Variants in PPM1L observed in about 807,000 individuals in gnomAD.
The protein encoded by PPM1L is protein phosphatase 1L.
Under a neutral mutation model 31.4 loss-of-function variants are expected in PPM1L, and 13 were observed. The ratio of observed to expected loss-of-function variants is 0.41; its 90% CI spans 0.27 to 0.66. The LOEUF is 0.66. PPM1L is among the 30% of genes least tolerant of loss of function. PPM1L has a pLI of 0.29. For synonymous variants in PPM1L, 184 were observed against 175.4 expected (o/e 1.05, Z -0.39); for missense variants, 326 against 453.7 (o/e 0.72, Z 2.56).
At chr3:161,030,112 C>A (rs1256180853) in intron 2 of PPM1L, among the ~76,000 whole-genome samples, 1 of 152,188 alleles carries the variant, frequency 6.6e-6, no homozygotes, top group Non-Finnish European at 1.5e-5. Flanking sequence ...TTTACAGTTT[C>A]CAAATCAGCA....
chr3:161,013,706 T>G (rs1263843547), intron 2 of PPM1L, among the ~76,000 whole-genome samples: 1 of 152,198 alleles, frequency 6.6e-6, no homozygotes, highest in Non-Finnish European at 1.5e-5. Flanking sequence ...ATCTGGGTGC[T>G]CCTGTATTGA....
At chr3:161,058,856 C>A (rs1229957599) in intron 2 of PPM1L, among the ~76,000 whole-genome samples, 1 of 151,962 alleles carries the variant, frequency 6.6e-6, no homozygotes, top group Admixed American at 6.6e-5. Context: ...TCTGAGATAC[C>A]CCAAGTTACA....
chr3:160,842,229 G>C (rs1435109975), intron 1 of PPM1L: 1 of 702,004 alleles, frequency 1.4e-6, no homozygotes, highest in African/African-American at 1.7e-5. Flanking sequence ...GTGGAAGAGG[G>C]TAGGAGGGAT....
intron 2 of PPM1L, among the ~76,000 whole-genome samples, chr3:160,967,552 G>A (rs1054519776): frequency 2.2e-5 from 3 of 135,092 alleles, no homozygotes; most frequent in Middle Eastern, 3.9e-3. Context: ...TTCCATTCAC[G>A]AGGGGTTCAC....
chr3:160,783,600 C>CA lies in PPM1L; in HGVS notation c.399+26907dup, dbSNP rs59293706. The stretch of plus-strand genomic sequence containing the variant: ...GGGCAACAAGAGCGAAACTCCATCT[C>CA]AAAAAAAAAAAAAAGAAAAAGAAAG... On this transcript the variant is annotated intron_variant, in intron 1 of 3. Transcript: ENST00000498165. 2.3e-3 allele frequency among the ~76,000 whole-genome samples: 259 copies of CA among 110,722 alleles called. 1 individual carries two copies. Among genetic ancestry groups the CA allele is most frequent in the East Asian group, 5.4e-3 (23 of 4,230 alleles). The allele number at this position is 110,722 out of a possible 152,430, so 72.6% of individuals were successfully genotyped here. A position where few individuals can be genotyped will look rare whatever the true frequency, so the allele number is the denominator to read the frequency against.
chr3:161,063,737 C>T (rs1445499427), intron 2 of PPM1L, among the ~76,000 whole-genome samples: 1 of 152,170 alleles, frequency 6.6e-6, no homozygotes, highest in African/African-American at 2.4e-5. Flanking sequence ...TATTGCAGCA[C>T]TATTCACAAT....
At chr3:160,907,395 A>T (rs1194561813) in intron 1 of PPM1L, among the ~76,000 whole-genome samples, 2 of 152,220 alleles carry the variant, frequency 1.3e-5, no homozygotes, top group Non-Finnish European at 2.9e-5. Flanking sequence ...AAAACAAATC[A>T]CATCCAAAAC....
intron 1 of PPM1L, among the ~76,000 whole-genome samples, chr3:160,937,625 A>G (rs1481968610): frequency 2.6e-5 from 4 of 152,106 alleles, no homozygotes; most frequent in Admixed American, 2.0e-4. Context: ...GTCTCAAAAA[A>G]AAACAAAAAA....
At chr3:160,878,757 C>T (rs181553088) in intron 1 of PPM1L, among the ~76,000 whole-genome samples, 2 of 152,242 alleles carry the variant, frequency 1.3e-5, no homozygotes, top group East Asian at 1.9e-4. Context: ...ATGTGTAGCC[C>T]CTTTTTAAAA....
intron 1 of PPM1L, among the ~76,000 whole-genome samples, chr3:160,857,894 C>A (rs1711766681): frequency 6.6e-6 from 1 of 152,168 alleles, no homozygotes; most frequent in Non-Finnish European, 1.5e-5. Flanking sequence ...ATATTGCTTA[C>A]TTAATCTTTT....
At chr3:160,996,974 G>C (rs1421817701) in intron 2 of PPM1L, among the ~76,000 whole-genome samples, 1 of 152,136 alleles carries the variant, frequency 6.6e-6, no homozygotes. Flanking sequence ...TGGTGGGCAG[G>C]CTAGGAGGGA....
At chr3:160,954,895 TCTTC>T (rs1195362398) in intron 1 of PPM1L, among the ~76,000 whole-genome samples, 31 of 128,276 alleles carry the variant, frequency 2.4e-4, no homozygotes, top group Middle Eastern at 4.2e-3. Flanking sequence ...TCCCTTTCTT[TCTTC>T]CTTCCTTCCT....
intron 1 of PPM1L, among the ~76,000 whole-genome samples, chr3:160,775,787 A>G (rs1711544944): frequency 6.6e-6 from 1 of 152,252 alleles, no homozygotes; most frequent in Admixed American, 6.5e-5. Flanking sequence ...ACACGTCCTC[A>G]AAAGTTCAAT....
chr3:160,942,521 A>G (rs1559895901), intron 1 of PPM1L, among the ~76,000 whole-genome samples: 1 of 152,234 alleles, frequency 6.6e-6, no homozygotes, highest in African/African-American at 2.4e-5. Context: ...CTGATTATTT[A>G]AAGTTTGAGA....
At chr3:160,789,908 C>T (rs73155988) in intron 1 of PPM1L, among the ~76,000 whole-genome samples, 1 of 152,114 alleles carries the variant, frequency 6.6e-6, no homozygotes, top group Non-Finnish European at 1.5e-5. Context: ...GCTCAATTTC[C>T]TAATATAAAG....
chr3:161,014,592 A>G (rs898065543), intron 2 of PPM1L, among the ~76,000 whole-genome samples: 1 of 151,266 alleles, frequency 6.6e-6, no homozygotes, highest in Non-Finnish European at 1.5e-5. Context: ...CTCCTGCCTC[A>G]GCCCCCTGAG....
At chr3:160,811,919 G>A (rs191586015) in intron 1 of PPM1L, among the ~76,000 whole-genome samples, 19 of 152,372 alleles carry the variant, frequency 1.2e-4, no homozygotes, top group African/African-American at 4.3e-4. Context: ...AAAGGGAGAA[G>A]CAAGACTTGG....
intron 2 of PPM1L, among the ~76,000 whole-genome samples, chr3:161,011,014 A>G: frequency 6.6e-6 from 1 of 152,158 alleles, no homozygotes; most frequent in East Asian, 1.9e-4. Flanking sequence ...GAAGCTCTTT[A>G]GTGTAATTAG....
chr3:160,938,951 C>T (rs995770680), intron 1 of PPM1L, among the ~76,000 whole-genome samples: 1 of 152,078 alleles, frequency 6.6e-6, no homozygotes, highest in Non-Finnish European at 1.5e-5. Flanking sequence ...AGTTGTGGGG[C>T]GCAACTGTTA....
Sources: gnomAD v4.1 joint callset for allele counts (sites outside exome capture counted in the v4.1 genomes callset) on GRCh38, gnomAD v4.1.1 for gene constraint, MANE v1.5 for transcripts, NCBI Gene and HGNC (gene_info 2026-07-23, HGNC 2026-07-21) for gene names.